The following XRCC6 variants were observed in gnomAD, a reference collection of about 807,000 sequenced individuals.
XRCC6 encodes X-ray repair cross complementing 6.
Under a neutral mutation model 65.7 loss-of-function variants are expected in XRCC6, and 5 were observed. The observed-to-expected ratio is 0.08, with a 90% CI of 0.04 to 0.16. XRCC6 has a LOEUF of 0.16. XRCC6 is among the 10% of genes least tolerant of loss of function. The pLI, the probability that XRCC6 is intolerant of heterozygous loss-of-function variation, is 1.00. For synonymous variants in XRCC6, 270 were observed against 270.6 expected, an observed-to-expected ratio of 1.00 and a Z score of 0.02; for missense variants, 447 against 738.1, an observed-to-expected ratio of 0.61 and a Z score of 4.57.
intron 1 of XRCC6, 100 bp downstream of exon 1, chr22:41,621,445 G>T (rs922797624): frequency 6.1e-6 from 1 of 164,264 alleles, no homozygotes; most frequent in Non-Finnish European, 1.3e-5. Flanking sequence ...CTTGCTAGAG[G>T]GTTAGCGTTA....
chr22:41,637,962 TAAA>T (rs132775), intron 6 of XRCC6, among the ~76,000 whole-genome samples, 171 bp downstream of exon 6: 2 of 131,138 alleles, frequency 1.5e-5, no homozygotes, highest in Admixed American at 8.1e-5. Context: ...TCTCTCTACC[TAAA>T]AAAAAAAAAA....
chr22:41,635,847 AAT>A (rs1827175512), intron 3 of XRCC6, among the ~76,000 whole-genome samples: 1 of 152,162 alleles, frequency 6.6e-6, no homozygotes, highest in South Asian at 2.1e-4. Context: ...GCCTGGCCTG[AAT>A]ATACGTATTG....
intron 6 of XRCC6, among the ~76,000 whole-genome samples, chr22:41,638,776 C>CAAAAAAAAAAA (rs56677816): frequency 4.6e-5 from 3 of 65,702 alleles, no homozygotes; most frequent in African/African-American, 1.7e-4. Flanking sequence ...GACTCCGCCT[C>CAAAAAAAAAAA]AAAAAAAAAA....
chr22:41,661,478 T>C (rs2068098760), intron 12 of XRCC6, 34 bp downstream of exon 12: 1 of 1,586,996 alleles, frequency 6.3e-7, no homozygotes, highest in Non-Finnish European at 8.6e-7. Flanking sequence ...TGGGCTATTT[T>C]TAAAAATTGC....
intron 11 of XRCC6, among the ~76,000 whole-genome samples, chr22:41,660,247 TA>T (rs897915454): frequency 1.6e-4 from 24 of 152,166 alleles, no homozygotes; most frequent in African/African-American, 5.8e-4. Context: ...AGTTGTAAGC[TA>T]ACAAAAAAGG....
intron 11 of XRCC6, among the ~76,000 whole-genome samples, 186 bp from the exon 12 acceptor site, chr22:41,661,145 A>T (rs535720808): frequency 1.3e-5 from 2 of 152,288 alleles, no homozygotes; most frequent in South Asian, 4.1e-4. Flanking sequence ...TGGCGGTAGT[A>T]TGTGTAATTA....
intron 3 of XRCC6, 29 bp from the exon 4 acceptor site, chr22:41,636,084 G>A (rs2067806369): frequency 6.4e-7 from 1 of 1,555,450 alleles, no homozygotes; most frequent in Admixed American, 2.2e-5. Flanking sequence ...TTAGTGGTAA[G>A]TAAATATTAA....
chr22:41,646,770 A>T (rs1378726560), intron 6 of XRCC6, 126 bp from the exon 7 acceptor site: 10 of 801,480 alleles, frequency 1.2e-5, no homozygotes, highest in Middle Eastern at 3.9e-4. Context: ...AAGCATATTT[A>T]TATTTTGAGA....
At chr22:41,662,191 A>G (rs1366736054) in intron 12 of XRCC6, among the ~76,000 whole-genome samples, 1 of 152,206 alleles carries the variant, frequency 6.6e-6, no homozygotes, top group Non-Finnish European at 1.5e-5. Context: ...TTAATTGTAC[A>G]TTTAAAAATA....
Position 41,636,597 on chromosome 22 carries a change from C to G in XRCC6, c.416C>G (p.Ser139Cys). The change falls in exon 5 of 13, where the codon TCT (serine) becomes TGT (cysteine). Residue 139 changes from serine (S) to cysteine (C), a missense_variant. Ser to Cys is a moderately radical substitution (Grantham distance 112). Around this residue, in one of 4 missense-constraint regions of XRCC6, gnomAD observed 228 missense variants for 307.4 expected, o/e 0.74. Coordinates refer to ENST00000360079, the MANE Select transcript of XRCC6 (RefSeq NM_001469.5). Reference protein sequence around the residue: ...KRFQDMMGHGSDYSLSEVLWV... With the variant: ...KRFQDMMGHGCDYSLSEVLWV... ...TTCCAAGACATGATGGGCCACGGATCTGACTACTCACTCAGTGAAGTGCTG... is the reference window on the plus strand; with the variant it reads ...TTCCAAGACATGATGGGCCACGGATGTGACTACTCACTCAGTGAAGTGCTG... 1.9e-6 allele frequency: 3 copies of G among 1,614,076 alleles called. No individual in the cohort carries two copies.
In XRCC6 at chr22:41,629,324, T is replaced by C. The variant is rs28741115; in HGVS notation, c.195+1094T>C. On this transcript the variant is annotated intron_variant, in intron 3 of 12. Transcript: ENST00000360079. ...ACCACCTCTATCTTATTCCAAAACA[T>C]TTTGAATGGCTAAACAGTGGCATAT... Among the ~76,000 whole-genome samples, 1,105 of 152,316 alleles carry C rather than the reference T, an allele frequency of 7.3e-3. 19 individuals are homozygous for C. The highest frequency in any genetic ancestry group is 0.026 in the African/African-American group (1,060 of 41,564).
intron 6 of XRCC6, among the ~76,000 whole-genome samples, chr22:41,645,818 C>T (rs2067926151): frequency 6.6e-6 from 1 of 151,564 alleles, no homozygotes; most frequent in African/African-American, 2.4e-5. Flanking sequence ...GCCTCAGCCT[C>T]CCGAGTAGCT....
At chr22:41,657,105 C>T (rs2068052157) in intron 10 of XRCC6, 73 bp downstream of exon 10, 3 of 1,494,106 alleles carry the variant, frequency 2.0e-6, no homozygotes, top group South Asian at 2.8e-5. Context: ...TGGGCATAGG[C>T]CAAGAGAATG....
At chr22:41,660,256 A>T (rs930759799) in intron 11 of XRCC6, among the ~76,000 whole-genome samples, 3 of 152,238 alleles carry the variant, frequency 2.0e-5, no homozygotes, top group African/African-American at 7.2e-5. Flanking sequence ...CTAACAAAAA[A>T]GGAAACAAAA....
At chr22:41,626,298 A>G (rs376788769) in intron 2 of XRCC6, among the ~76,000 whole-genome samples, 1 of 148,172 alleles carries the variant, frequency 6.7e-6, no homozygotes, top group East Asian at 2.0e-4. Context: ...ATGCGCCACT[A>G]CACGCAGCTA....
At chr22:41,643,442 G>T (rs2067899099) in intron 6 of XRCC6, among the ~76,000 whole-genome samples, 1 of 151,970 alleles carries the variant, frequency 6.6e-6, no homozygotes, top group Admixed American at 6.6e-5. Flanking sequence ...TGTTAAAGCT[G>T]TAAATTTGTC....
In XRCC6 at chr22:41,647,089, A is replaced by G; in HGVS notation, c.960+7A>G. On this transcript the variant is annotated splice_region_variant and intron_variant, in intron 7 of 12. Transcript: ENST00000360079. ...CGATACCAAGAGGTCTCAGGTAGGT[A>G]GAGATGCCTTTTGTTGTTGTTGTTT... 6.2e-7 allele frequency: 1 copy of G among 1,612,710 alleles called. No individual in the cohort carries two copies. The highest frequency in any genetic ancestry group is 8.5e-7 in the Non-Finnish European group (1 of 1,179,398).
chr22:41,628,316 T>G lies in XRCC6; in HGVS notation c.195+86T>G, dbSNP rs183663702. 170 of 1,156,628 alleles carry G rather than the reference T, an allele frequency of 1.5e-4. 2 individuals are homozygous for G. The East Asian group carries it at 2.6e-3, about 17-fold the overall frequency. The allele number at this position is 1,156,628 out of a possible 1,614,324, so 71.6% of individuals were successfully genotyped here. A position where few individuals can be genotyped will look rare whatever the true frequency, so the allele number is the denominator to read the frequency against. On this transcript the variant is annotated intron_variant, in intron 3 of 12. Transcript: ENST00000360079. Reference sequence around the variant, plus strand: ...GCTCATGCCTGTAATCTCAGGACATTGGGAGGCCGAGACGGGCAGATCACT... The same window carrying G: ...GCTCATGCCTGTAATCTCAGGACATGGGGAGGCCGAGACGGGCAGATCACT...
Position 41,643,782 on chromosome 22 carries a change from C to G in XRCC6, c.774-3114C>G, listed in dbSNP as rs182384863. Among the ~76,000 whole-genome samples the G allele has an allele frequency of 2.4e-3, 365 of 151,226 alleles. 2 individuals are homozygous for G. The highest frequency in any genetic ancestry group is 0.02 in the South Asian group (98 of 4,786). On this transcript the variant is annotated intron_variant, in intron 6 of 12. Transcript: ENST00000360079. The stretch of plus-strand genomic sequence containing the variant: ...GTTGCAGTGAGCTGAGATTGCGCCA[C>G]TGCACTCCACCCTAGGCGACAGAGT...
Sources: gnomAD v4.1 joint callset for allele counts (sites outside exome capture counted in the v4.1 genomes callset) on GRCh38, gnomAD v4.1.1 for gene constraint, gnomAD v4.1.1 regional missense constraint, MANE v1.5 for transcripts, NCBI Gene and HGNC (gene_info 2026-07-23, HGNC 2026-07-21) for gene names.